Variants in ZNF66 observed in about 807,000 individuals in gnomAD.
ZNF66 encodes the protein putative zinc finger protein 66.
In ZNF66, 32 loss-of-function variants were observed where a neutral mutation model predicts 35.2. The observed-to-expected ratio is 0.91, with a 90% CI of 0.69 to 1.22. ZNF66 has a LOEUF of 1.22. Among genes scored for constraint, ZNF66 ranks in the 50% most tolerant of loss-of-function variants. The pLI is 0.00. For synonymous variants in ZNF66, 231 were observed against 181.3 expected (o/e 1.27, Z -2.20); for missense variants, 666 against 543.1 (o/e 1.23, Z -2.25).
chr19:20,787,100 A>G (rs1336257096), intron 1 of ZNF66, among the ~76,000 whole-genome samples: 1 of 152,160 alleles, frequency 6.6e-6, no homozygotes, highest in Admixed American at 6.6e-5. Context: ...TATGATATAT[A>G]TCTAATTAAT....
At chr19:20,797,498 G>A (rs1384105734) in intron 3 of ZNF66, among the ~76,000 whole-genome samples, 1 of 150,304 alleles carries the variant, frequency 6.7e-6, no homozygotes, top group African/African-American at 2.4e-5. Context: ...GAGCCACCGC[G>A]CCCGGCCGAT....
At chr19:20,798,244 T>TAA (rs4026025) in intron 3 of ZNF66, among the ~76,000 whole-genome samples, 13,823 of 152,026 alleles carry the variant, frequency 0.091, 641 homozygotes, top group Middle Eastern at 0.11. Context: ...AGTTTTTCTT[T>TAA]AAAAAAATTG....
intron 3 of ZNF66, among the ~76,000 whole-genome samples, chr19:20,803,309 G>GTC (rs994696831): frequency 1.6e-4 from 16 of 99,242 alleles, no homozygotes. Context: ...TTCTCTTTCT[G>GTC]TCTTTTTTTT....
In ZNF66 at chr19:20,776,442, C is replaced by G. The variant is rs1235277529; in HGVS notation, c.-6C>G. On this transcript the variant is annotated 5_prime_UTR_variant, in exon 1 of 4. Transcript: ENST00000344519. The stretch of plus-strand genomic sequence containing the variant: ...TAAGACGCCAGGACCCCCTGGAAGC[C>G]TAGAAATGGTGAGAGTGCCGGTCCA... The G allele has an allele frequency of 3.2e-6, 5 of 1,559,258 alleles. No individual in the cohort carries two copies. The highest frequency in any genetic ancestry group is 4.4e-6 in the Non-Finnish European group (5 of 1,132,096).
Position 20,795,355 on chromosome 19 carries a change from T to C in ZNF66, c.226+1477T>C, listed in dbSNP as rs182382793. On this transcript the variant is annotated intron_variant, in intron 3 of 3. Coordinates refer to ENST00000344519, the MANE Select transcript of ZNF66 (RefSeq NM_001355197.2). ...GCATTTCCTTAGGGAACTGTGTGGGTTTCTTTTTTTCTTTTTCTTTTTTTT... is the reference window on the plus strand; with the variant it reads ...GCATTTCCTTAGGGAACTGTGTGGGCTTCTTTTTTTCTTTTTCTTTTTTTT... Among the ~76,000 whole-genome samples, 224 of 147,196 alleles carry C rather than the reference T, an allele frequency of 1.5e-3. 1 individual carries two copies. The highest frequency in any genetic ancestry group is 9.3e-4 in the Non-Finnish European group (61 of 65,718).
At chr19:20,776,614 CG>C in intron 1 of ZNF66, 164 bp downstream of exon 1, 1 of 1,050,824 alleles carries the variant, frequency 9.5e-7, no homozygotes, top group Non-Finnish European at 1.4e-6. Flanking sequence ...GCCTGGCCCC[CG>C]GGCGTCCTGT....
intron 1 of ZNF66, among the ~76,000 whole-genome samples, chr19:20,776,757 G>A (rs138087432): frequency 4.6e-5 from 7 of 152,164 alleles, no homozygotes; most frequent in Admixed American, 1.3e-4. Context: ...CTGACTCGCG[G>A]TGCGGGTTCA....
At chr19:20,777,341 G>A (rs1459862967) in intron 1 of ZNF66, among the ~76,000 whole-genome samples, 1 of 151,412 alleles carries the variant, frequency 6.6e-6, no homozygotes, top group Non-Finnish European at 1.5e-5. Context: ...CAATCAAGGT[G>A]GAAATTTCCT....
chr19:20,790,025 T>C (rs1971321461), intron 1 of ZNF66, among the ~76,000 whole-genome samples: 1 of 152,178 alleles, frequency 6.6e-6, no homozygotes, highest in Admixed American at 6.5e-5. Context: ...CTAATGTAAA[T>C]AATGCGCCAA....
chr19:20,784,160 C>T (rs1971267439), intron 1 of ZNF66, among the ~76,000 whole-genome samples: 2 of 152,042 alleles, frequency 1.3e-5, no homozygotes, highest in African/African-American at 4.8e-5. Context: ...GTATTTTCTA[C>T]AATATTATGA....
chr19:20,805,126 T>TGTGTGTGTGAGAGAGAGAGA (rs752355466), intron 3 of ZNF66, among the ~76,000 whole-genome samples: 3 of 145,984 alleles, frequency 2.1e-5, no homozygotes, highest in Non-Finnish European at 3.0e-5. Context: ...TGTGTGTGTG[T>TGTGTGTGTGAGAGAGAGAGA]GAGAGAGAGA....
At chr19:20,795,277 C>T (rs1322887083) in intron 3 of ZNF66, among the ~76,000 whole-genome samples, 1 of 152,108 alleles carries the variant, frequency 6.6e-6, no homozygotes, top group South Asian at 2.1e-4. Flanking sequence ...GTATTGGTGT[C>T]TGAATTTGAT....
At chr19:20,777,114 T>TAAAAA (rs767934089) in intron 1 of ZNF66, among the ~76,000 whole-genome samples, 2 of 95,028 alleles carry the variant, frequency 2.1e-5, no homozygotes, top group African/African-American at 8.3e-5. Context: ...GACTCTTGTC[T>TAAAAA]AAAAAAAAAA....
Position 20,807,060 on chromosome 19 carries a change from G to A in ZNF66, c.1460G>A (p.Gly487Asp). ...GEKPYKCEEC[G>D]KAFKCSSILT... is the part of the protein sequence containing the mutation. ...AAGCCTTACAAATGTGAAGAATGTGGCAAGGCCTTTAAGTGCTCCTCTATT... is the reference window on the plus strand; with the variant it reads ...AAGCCTTACAAATGTGAAGAATGTGACAAGGCCTTTAAGTGCTCCTCTATT... Residue 487 changes from glycine to aspartate, a missense_variant, in exon 4 of 4, where the codon GGC (glycine) becomes GAC (aspartate). Coordinates refer to ENST00000344519, the MANE Select transcript of ZNF66 (RefSeq NM_001355197.2). 1 of 825,478 alleles carries A rather than the reference G, an allele frequency of 1.2e-6. No individual in the cohort carries two copies. The highest frequency in any genetic ancestry group is 2.1e-6 in the Non-Finnish European group (1 of 467,048). The allele number at this position is 825,478 out of a possible 1,614,324, so 51.1% of individuals were successfully genotyped here.
In ZNF66 at chr19:20,808,185, C is replaced by T. The variant is rs1034239882; in HGVS notation, c.*863C>T. On this transcript the variant is annotated 3_prime_UTR_variant, in exon 4 of 4. Transcript: ENST00000344519. ...GAGCGCCTGCCATTGCCCAGGCTTGCTTAGGTAAAGCAGCTGGGAAGCTAG... is the reference window on the plus strand; with the variant it reads ...GAGCGCCTGCCATTGCCCAGGCTTGTTTAGGTAAAGCAGCTGGGAAGCTAG... Among the ~76,000 whole-genome samples, 1 of 152,164 alleles carries T rather than the reference C, an allele frequency of 6.6e-6. No homozygotes were observed. The highest frequency in any genetic ancestry group is 2.4e-5 in the African/African-American group (1 of 41,462).
intron 1 of ZNF66, among the ~76,000 whole-genome samples, chr19:20,790,911 T>C (rs1568495968): frequency 1.3e-5 from 2 of 152,234 alleles, no homozygotes; most frequent in African/African-American, 2.4e-5. Flanking sequence ...AAAATTCTTA[T>C]GATAGTCAAA....
chr19:20,782,429 A>T (rs111944186), intron 1 of ZNF66, among the ~76,000 whole-genome samples: 14,182 of 152,250 alleles, frequency 0.093, 678 homozygotes, highest in Middle Eastern at 0.11. Flanking sequence ...TTCTGTTATT[A>T]GTTCTGTGAG....
At chr19:20,793,579 C>T (rs1360437366) in intron 2 of ZNF66, among the ~76,000 whole-genome samples, 2 of 151,910 alleles carry the variant, frequency 1.3e-5, no homozygotes, top group Admixed American at 1.3e-4. Context: ...CCTCGGCCTC[C>T]CAAGGTGCTG....
chr19:20,805,126 T>TGTGTGTGAGAGAGA (rs752355466), intron 3 of ZNF66, among the ~76,000 whole-genome samples: 14 of 145,984 alleles, frequency 9.6e-5, no homozygotes, highest in African/African-American at 2.5e-4. Flanking sequence ...TGTGTGTGTG[T>TGTGTGTGAGAGAGA]GAGAGAGAGA....
Sources: gnomAD v4.1 joint callset for allele counts (sites outside exome capture counted in the v4.1 genomes callset) on GRCh38, gnomAD v4.1.1 for gene constraint, MANE v1.5 for transcripts, NCBI Gene and HGNC (gene_info 2026-07-23, HGNC 2026-07-21) for gene names.